Variants in DRC3 observed in about 807,000 individuals in gnomAD.
The protein encoded by DRC3 is dynein regulatory complex subunit 3.
A neutral mutation model predicts 57.6 loss-of-function variants in DRC3; 45 were observed. The observed-to-expected ratio is 0.78, with a 90% confidence interval of 0.62 to 1.00. The LOEUF is 1.00. DRC3 is among the 50% of genes least tolerant of loss of function. The pLI is 0.00. For missense variants in DRC3, 655 were observed against 675.2 expected (o/e 0.97, Z 0.33); for synonymous variants, 257 against 272.3 (o/e 0.94, Z 0.55).
intron 10 of DRC3, 120 bp downstream of exon 10, chr17:18,004,614 C>A: frequency 1.8e-6 from 2 of 1,089,080 alleles, no homozygotes; most frequent in Non-Finnish European, 2.6e-6. Context: ...CTCAGCGTGG[C>A]AGGCTGTAGC....
intron 1 of DRC3, 45 bp downstream of exon 1, chr17:17,973,019 A>G (rs988819332): frequency 2.0e-5 from 3 of 151,728 alleles, no homozygotes; most frequent in Admixed American, 6.6e-5. Flanking sequence ...GCAGGGACAG[A>G]TAGTGCCCGA....
intron 3 of DRC3, among the ~76,000 whole-genome samples, chr17:17,979,741 G>T (rs920523962): frequency 1.3e-5 from 2 of 152,204 alleles, no homozygotes; most frequent in African/African-American, 2.4e-5. Flanking sequence ...GCCAGAAAAG[G>T]CACCTGGAAA....
intron 9 of DRC3, among the ~76,000 whole-genome samples, chr17:17,998,237 C>G (rs1168717894): frequency 1.3e-5 from 2 of 152,086 alleles, no homozygotes; most frequent in Admixed American, 6.6e-5. Flanking sequence ...CTGAGGCTCA[C>G]AGAAGAAAGA....
chr17:18,001,449 G>C (rs2043727317), intron 9 of DRC3, among the ~76,000 whole-genome samples: 1 of 152,164 alleles, frequency 6.6e-6, no homozygotes, highest in African/African-American at 2.4e-5. Context: ...GTTGCAGTGG[G>C]CCAAGATCAT....
chr17:17,993,386 C>T (rs1267618916), intron 6 of DRC3: 4 of 153,718 alleles, frequency 2.6e-5, no homozygotes, highest in Non-Finnish European at 5.8e-5. Context: ...CTCACAAGGC[C>T]GAGGTAGAAG....
In DRC3 at chr17:18,007,441, T is replaced by A. The variant is rs2044020842; in HGVS notation, c.1326+294T>A. 3.9e-6 allele frequency: 6 copies of A among 1,551,444 alleles called. No individual in the cohort carries two copies. In the South Asian group the frequency reaches 7.1e-5, roughly 18 times the overall value. On this transcript the variant is annotated intron_variant, in intron 12 of 13. Coordinates refer to ENST00000399187, the MANE Select transcript of DRC3 (RefSeq NM_031294.4). ...AATTATGTGGAGGCTTCTGGCACTT[T>A]CTAAGAGAAGCAGTTACAGGTAGAG... is the stretch of plus-strand genomic sequence containing the variant.
At chr17:17,979,485 G>A (rs1597537158) in intron 3 of DRC3, among the ~76,000 whole-genome samples, 1 of 152,226 alleles carries the variant, frequency 6.6e-6, no homozygotes. Flanking sequence ...GGCCGAGGTG[G>A]TGGCCACAGG....
chr17:17,987,823 C>A (rs1212370389), intron 4 of DRC3, 109 bp from the exon 5 acceptor site: 5 of 1,150,334 alleles, frequency 4.3e-6, no homozygotes, highest in South Asian at 1.5e-5. Context: ...CTGGCCCTGG[C>A]AGCTTGGTGC....
intron 8 of DRC3, 150 bp from the exon 9 acceptor site, chr17:17,997,310 C>T (rs1266006300): frequency 1.0e-5 from 7 of 687,970 alleles, no homozygotes; most frequent in Non-Finnish European, 1.4e-5. Context: ...TTTCTTCATC[C>T]ACCAAATGAA....
chr17:17,991,345 C>CA (rs1402178998), intron 5 of DRC3, among the ~76,000 whole-genome samples: 2 of 119,724 alleles, frequency 1.7e-5, no homozygotes, highest in Non-Finnish European at 3.1e-5. Flanking sequence ...GGCTGTAGTG[C>CA]AGTGGTGCAA....
At chr17:18,010,200 G>C (rs1046477549) in intron 12 of DRC3, among the ~76,000 whole-genome samples, 6 of 152,218 alleles carry the variant, frequency 3.9e-5, no homozygotes, top group Admixed American at 3.9e-4. Context: ...GCGTTGGCTT[G>C]TCCCTGCCCA....
At chr17:17,985,557 C>T (rs1597568653) in intron 4 of DRC3, among the ~76,000 whole-genome samples, 1 of 152,220 alleles carries the variant, frequency 6.6e-6, no homozygotes, top group African/African-American at 2.4e-5. Context: ...CCCACACTGA[C>T]ATGCACAGGG....
At position 18,013,932 on chromosome 17, in the gene DRC3, ATTTT is replaced by A. The variant is rs35745875; in HGVS notation, c.1327-2118_1327-2115del. 2.9e-5 allele frequency among the ~76,000 whole-genome samples: 4 copies of A among 135,950 alleles called. No homozygotes were observed. The Admixed American group carries it at 3.0e-4, about 10-fold the overall frequency. 89.2% of individuals were successfully genotyped at this position (135,950 alleles called of 152,430 possible). On this transcript the variant is annotated intron_variant, in intron 12 of 13. Coordinates refer to ENST00000399187, the MANE Select transcript of DRC3 (RefSeq NM_031294.4). ...TTATTTGTCAATTTTTTTAATGCCA[ATTTT>A]TTTTTTTTTTTTTGAGGTGGAGTTT...
At chr17:17,992,314 A>G (rs992382245) in intron 5 of DRC3, among the ~76,000 whole-genome samples, 2 of 152,238 alleles carry the variant, frequency 1.3e-5, no homozygotes, top group African/African-American at 4.8e-5. Flanking sequence ...ATTTTTAAAA[A>G]ATAAATAGAA....
chr17:18,005,570 A>C (rs1054096359), intron 10 of DRC3: 1 of 152,664 alleles, frequency 6.6e-6, no homozygotes, highest in African/African-American at 2.4e-5. Flanking sequence ...CAACTAACTG[A>C]AAGAGATCTG....
At position 18,016,134 on chromosome 17, in the gene DRC3, A is replaced by T; in HGVS notation, c.1397A>T (p.Asp466Val). The T allele has an allele frequency of 6.2e-7, 1 of 1,613,978 alleles. No homozygotes were observed. The highest frequency in any genetic ancestry group is 8.5e-7 in the Non-Finnish European group (1 of 1,179,874). Residue 466 changes from aspartate (D) to valine (V), a missense_variant, in exon 13 of 14, where the codon GAC (aspartate) becomes GTC (valine). Physicochemically the swap from Asp to Val is radical, Grantham distance 152 (BLOSUM62 -3). Coordinates refer to ENST00000399187, the MANE Select transcript of DRC3 (RefSeq NM_031294.4). ...ASHDIHLLKI[D>V]NREDELVTRI... ...CACGACATCCACCTCCTGAAGATTGACAATCGAGAAGATGAGCTGGTGACC... is the reference window on the plus strand; with the variant it reads ...CACGACATCCACCTCCTGAAGATTGTCAATCGAGAAGATGAGCTGGTGACC...
chr17:17,980,510 G>A (rs762007826), intron 3 of DRC3, among the ~76,000 whole-genome samples: 9 of 151,204 alleles, frequency 6.0e-5, no homozygotes, highest in Non-Finnish European at 1.2e-4. Context: ...GCCCAGGCTG[G>A]TTTCGAACTC....
chr17:18,007,446 G>C (rs780857572), intron 12 of DRC3: 3 of 1,551,348 alleles, frequency 1.9e-6, no homozygotes, highest in Non-Finnish European at 2.6e-6. Flanking sequence ...CACTTTCTAA[G>C]AGAAGCAGTT....
At chr17:17,991,529 CT>C (rs767206195) in intron 5 of DRC3, among the ~76,000 whole-genome samples, 7 of 151,894 alleles carry the variant, frequency 4.6e-5, no homozygotes, top group African/African-American at 7.3e-5. Context: ...ATCTCCTGAC[CT>C]CAAGATCCAC....
Sources: allele counts gnomAD v4.1 joint callset (sites outside exome capture counted in the v4.1 genomes callset), GRCh38; gene constraint gnomAD v4.1.1; transcripts MANE v1.5; gene names NCBI Gene and HGNC (gene_info 2026-07-23, HGNC 2026-07-21).